USP36: variants seen among roughly 807,000 people sequenced by gnomAD.
The protein encoded by USP36 is ubiquitin carboxyl-terminal hydrolase 36.
USP36 carries 59 observed loss-of-function variants against 111.5 expected under a neutral mutation model. That is an observed-to-expected ratio of 0.53 (90% CI 0.43 to 0.66). The LOEUF is 0.66. Ranked by LOEUF, USP36 falls within the 30% of genes least tolerant of loss-of-function variation. USP36 has a pLI of 0.00. For missense variants in USP36, 1,488 were observed against 1,468.0 expected (o/e 1.01, Z -0.22); for synonymous variants, 628 against 581.0 (o/e 1.08, Z -1.16).
downstream of USP36, among the ~76,000 whole-genome samples, chr17:78,791,129 CTT>C (rs10522788): frequency 2.7e-4 from 33 of 121,222 alleles, no homozygotes; most frequent in Middle Eastern, 4.3e-3. Flanking sequence ...ATCTGGCCTT[CTT>C]TTTTTTTTTT....
At chr17:78,837,874 T>G (rs545749274) in intron 2 of USP36, among the ~76,000 whole-genome samples, 12 of 152,226 alleles carry the variant, frequency 7.9e-5, no homozygotes, top group Non-Finnish European at 1.8e-4. Context: ...AATTTATCAC[T>G]GTGGATCATC....
intron 4 of USP36, among the ~76,000 whole-genome samples, chr17:78,830,481 C>T (rs532067909): frequency 5.2e-4 from 79 of 152,224 alleles, no homozygotes; most frequent in Non-Finnish European, 9.7e-4. Context: ...GCACCTGTCT[C>T]CTTGAGCACA....
chr17:78,799,711 T>A lies in USP36; in HGVS notation c.3080A>T (p.Gln1027Leu), dbSNP rs761902317. ...ATCAGATGAGTATTTGAGCAGTTCC[T>A]GGACCACATCAGACTCCCGCTCTCC... ...WNGERESDVV[Q>L]ELLKYSSDKA... Residue 1027 changes from glutamine to leucine, a missense_variant, in exon 18 of 21, where the codon CAG (glutamine) becomes CTG (leucine). This residue lies in a region of USP36 where 1,073 missense variants were observed against 994.1 expected (regional missense o/e 1.08). Transcript: ENST00000449938. 6.2e-7 allele frequency: 1 copy of A among 1,613,294 alleles called. No homozygotes were observed. Among genetic ancestry groups the A allele is most frequent in the Admixed American group, 1.7e-5 (1 of 59,874 alleles).
At chr17:78,823,782 A>G (rs972297737) in intron 6 of USP36, among the ~76,000 whole-genome samples, 1 of 152,158 alleles carries the variant, frequency 6.6e-6, no homozygotes, top group Non-Finnish European at 1.5e-5. Context: ...AAAAAACTCA[A>G]AACTATCCTA....
rs370711931 is a variant in USP36 at position 78,810,665 on chromosome 17, T to C, written c.1407+2195A>G. The stretch of plus-strand genomic sequence containing the variant: ...ATGTATTTTACTGCCACTTCAATTC[T>C]AATGCTTCTAATTTCAGCTTCTATT... On this transcript the variant is annotated intron_variant, in intron 13 of 20. Coordinates refer to ENST00000449938, the MANE Select transcript of USP36 (RefSeq NM_001385174.1). 7.2e-5 allele frequency among the ~76,000 whole-genome samples: 11 copies of C among 152,310 alleles called. 4 individuals carry two copies. Among genetic ancestry groups the C allele is most frequent in the African/African-American group, 4.8e-5 (2 of 41,576 alleles).
chr17:78,812,932 G>T lies in USP36; in HGVS notation c.1335C>A (p.Arg445=). ...SRTGSSSLPG[R]PSVIPDHSKK... is the part of the protein sequence containing the mutation. The stretch of plus-strand genomic sequence containing the variant: ...TGGAGTGATCTGGAATCACACTCGG[G>T]CGGCCGGGAAGGGAGGAGGAGCCTG... Residue 445 remains arginine, a synonymous_variant, in exon 13 of 21, where the codon CGC becomes CGA. Coordinates refer to ENST00000449938, the MANE Select transcript of USP36 (RefSeq NM_001385174.1). 6 of 1,614,022 alleles carry T rather than the reference G, an allele frequency of 3.7e-6. No individual in the cohort carries two copies. The highest frequency in any genetic ancestry group is 5.1e-6 in the Non-Finnish European group (6 of 1,180,016).
chr17:78,787,941 T>C (rs1289863014), intron 3 of USP36, among the ~76,000 whole-genome samples: 1 of 151,754 alleles, frequency 6.6e-6, no homozygotes, highest in Non-Finnish European at 1.5e-5. Flanking sequence ...CACAGTGGAG[T>C]GATGTGGCCA....
At chr17:78,812,170 G>C (rs965236459) in intron 13 of USP36, among the ~76,000 whole-genome samples, 2 of 151,990 alleles carry the variant, frequency 1.3e-5, no homozygotes, top group Non-Finnish European at 2.9e-5. Flanking sequence ...CTGGGTAACA[G>C]AGTGAGACCC....
intron 10 of USP36, among the ~76,000 whole-genome samples, chr17:78,817,236 G>A (rs1433706641): frequency 6.6e-6 from 1 of 152,208 alleles, no homozygotes; most frequent in Non-Finnish European, 1.5e-5. Flanking sequence ...TGCACTCTAT[G>A]ATGTTCACAC....
intron 15 of USP36, among the ~76,000 whole-genome samples, chr17:78,805,141 G>A (rs1255475104): frequency 6.6e-6 from 1 of 152,134 alleles, no homozygotes; most frequent in Non-Finnish European, 1.5e-5. Context: ...ATTTGTCAAT[G>A]AGCTGGGACC....
chr17:78,806,285 G>T lies in USP36; in HGVS notation c.2087C>A (p.Ala696Asp), dbSNP rs1358486988. 3 of 1,613,866 alleles carry T rather than the reference G, an allele frequency of 1.9e-6. No individual in the cohort carries two copies. The African/African-American group carries it at 4.0e-5, about 22-fold the overall frequency. Reference protein sequence around the residue: ...AKKLALSAKKASTLWRATGND... With the variant: ...AKKLALSAKKDSTLWRATGND... ...GCCGGTCGCCCTCCACAGGGTGCTG[G>T]CCTGCAGTTATCGACATAAATAAAA... The change falls in exon 15 of 21, where the codon GCC becomes GAC. Residue 696 changes from alanine to aspartate, a missense_variant and splice_region_variant. Physicochemically the swap from Ala to Asp is moderately radical, Grantham distance 126 (BLOSUM62 -2). Around this residue, in one of 3 missense-constraint regions of USP36, gnomAD observed 1,073 missense variants for 994.1 expected, o/e 1.08. Transcript: ENST00000449938.
intron 10 of USP36, among the ~76,000 whole-genome samples, chr17:78,817,933 A>C (rs1218079470): frequency 6.6e-6 from 1 of 152,002 alleles, no homozygotes; most frequent in African/African-American, 2.4e-5. Flanking sequence ...ACTTTTTAAA[A>C]AATTAACCAG....
chr17:78,807,086 G>GT lies in USP36; in HGVS notation c.1957dup (p.Thr653AsnfsTer9). The GT allele has an allele frequency of 6.2e-7, 1 of 1,614,240 alleles. No individual in the cohort carries two copies. The highest frequency in any genetic ancestry group is 8.5e-7 in the Non-Finnish European group (1 of 1,180,050). ...CTTAGAATCTGCTCCACTTGGCGGC[G>GT]TTTTGGAGTGGCCAGCGGTGGAACA... is the stretch of plus-strand genomic sequence containing the variant. On this transcript the variant is annotated frameshift_variant, in exon 14 of 21. Coordinates refer to ENST00000449938, the MANE Select transcript of USP36 (RefSeq NM_001385174.1). LOFTEE classifies it high-confidence loss of function.
In USP36 at chr17:78,803,582, G is replaced by A. The variant is rs1437487027; in HGVS notation, c.2613C>T (p.Ser871=). 3 of 1,613,072 alleles carry A rather than the reference G, an allele frequency of 1.9e-6. No homozygotes were observed. Among genetic ancestry groups the A allele is most frequent in the South Asian group, 2.2e-5 (2 of 91,078 alleles). ...CCTGGCCCTCCCTCCTGTACATGGGGCTCCCAGGCTGTCTCTGTGTCTGCC... is the reference window on the plus strand; with the variant it reads ...CCTGGCCCTCCCTCCTGTACATGGGACTCCCAGGCTGTCTCTGTGTCTGCC... ...QEGQTQRQPG[S]PMYRREGQAQ... is the part of the protein sequence containing the mutation. The change falls in exon 16 of 21, where the codon AGC becomes AGT. Residue 871 remains serine (S), a synonymous_variant. Transcript: ENST00000449938. The surrounding 1 kb of genome is among the most constrained non-coding windows in gnomAD (Gnocchi z 4.6).
rs374758208 is a variant in USP36, at chr17:78,803,957, T to C, written c.2238A>G (p.Gln746=). 3.4e-5 allele frequency: 55 copies of C among 1,599,194 alleles called. No individual in the cohort carries two copies. The highest frequency in any genetic ancestry group is 4.3e-5 in the Non-Finnish European group (50 of 1,176,402). The change falls in exon 16 of 21, where the codon CAA becomes CAG. Residue 746 remains glutamine (Q), a synonymous_variant. Transcript: ENST00000449938. The surrounding 1 kb of genome is among the most constrained non-coding windows in gnomAD (Gnocchi z 4.6). ...HRARAVSPAP[Q]SSSRLQPPFS... is the part of the protein sequence containing the mutation. Reference sequence around the variant, plus strand: ...AGGGGGGTTGCAGGCGGCTGGATGATTGGGGAGCAGGTGACACAGCCCTGT... The same window carrying C: ...AGGGGGGTTGCAGGCGGCTGGATGACTGGGGAGCAGGTGACACAGCCCTGT...
chr17:78,817,940 C>T (rs1329907173), intron 10 of USP36, among the ~76,000 whole-genome samples: 1 of 151,968 alleles, frequency 6.6e-6, no homozygotes, highest in Non-Finnish European at 1.5e-5. Context: ...AAAAAATTAA[C>T]CAGGCATGGT....
At chr17:78,821,887 T>C in intron 7 of USP36, 50 bp downstream of exon 7, 2 of 1,605,774 alleles carry the variant, frequency 1.2e-6, no homozygotes, top group Non-Finnish European at 8.5e-7. Context: ...GTTTCCTGGG[T>C]TCATGTTCTA....
At chr17:78,826,591 A>G (rs2067562630) in intron 6 of USP36, 1 of 156,094 alleles carries the variant, frequency 6.4e-6, no homozygotes, top group African/African-American at 2.4e-5. Flanking sequence ...TATTTAAAGT[A>G]TTTCTACGAT....
intron 1 of USP36, among the ~76,000 whole-genome samples, chr17:78,839,587 G>A (rs1334180424): frequency 6.6e-6 from 1 of 152,086 alleles, no homozygotes; most frequent in Non-Finnish European, 1.5e-5. Context: ...ACGAACCTTG[G>A]GAGATGTAAC....
Sources: gnomAD v4.1 joint callset for allele counts (sites outside exome capture counted in the v4.1 genomes callset) on GRCh38, gnomAD v4.1.1 for gene constraint, gnomAD v4.1.1 regional missense constraint, Gnocchi (gnomAD v3.1) non-coding constraint, MANE v1.5 for transcripts, NCBI Gene and HGNC (gene_info 2026-07-23, HGNC 2026-07-21) for gene names.